The following GALNS variants were observed in gnomAD, a reference collection of about 807,000 sequenced individuals.
The protein encoded by GALNS is galactosamine (N-acetyl)-6-sulfatase.
A neutral mutation model predicts 65.9 loss-of-function variants in GALNS; 65 were observed. The observed-to-expected ratio is 0.99, with a 90% CI of 0.81 to 1.21. The LOEUF (loss-of-function observed/expected upper bound fraction) is 1.21. GALNS is among the 50% of genes most tolerant of loss of function. GALNS has a pLI of 0.00. For missense variants in GALNS, 776 were observed against 700.7 expected (o/e 1.11, Z -1.21); for synonymous variants, 346 against 288.9 (o/e 1.20, Z -2.00).
chr16:88,856,936 G>A lies in GALNS; in HGVS notation c.-59C>T, dbSNP rs1025700550. On this transcript the variant is annotated 5_prime_UTR_variant, in exon 1 of 14. Coordinates refer to ENST00000268695, the MANE Select transcript of GALNS (RefSeq NM_000512.5). ...GAGCCGACCTAGCGAGCGTCCGCCG[G>A]CCCTTCCGGCTGGGCTGCGGGGCGG... 3.4e-6 allele frequency: 5 copies of A among 1,466,216 alleles called. No homozygotes were observed. In the Admixed American group the frequency reaches 7.5e-5, roughly 22 times the overall value. The allele number at this position is 1,466,216 out of a possible 1,614,324, so 90.8% of individuals were successfully genotyped here.
chr16:88,854,376 G>A (rs987631578), intron 1 of GALNS, among the ~76,000 whole-genome samples: 16 of 152,188 alleles, frequency 1.1e-4, no homozygotes, highest in Non-Finnish European at 1.3e-4. Context: ...GCCACGTCAG[G>A]GCACCTCGGG....
intron 8 of GALNS, among the ~76,000 whole-genome samples, chr16:88,832,451 T>A (rs1259964521): frequency 6.6e-6 from 1 of 152,120 alleles, no homozygotes; most frequent in Non-Finnish European, 1.5e-5. Context: ...TTCACAAGCC[T>A]CCCGGTGTTT....
intron 8 of GALNS, among the ~76,000 whole-genome samples, chr16:88,832,759 AGGG>A (rs952520855): frequency 6.6e-6 from 1 of 152,176 alleles, no homozygotes; most frequent in African/African-American, 2.4e-5. Context: ...CCTGAATAAA[AGGG>A]AAAAAGGAAA....
In GALNS at chr16:88,856,001, T is replaced by A. The variant is rs888686839; in HGVS notation, c.120+757A>T. The A allele has an allele frequency of 5.0e-6, 3 of 597,670 alleles. No homozygotes were observed. The African/African-American group carries it at 5.6e-5, about 11-fold the overall frequency. The allele number at this position is 597,670 out of a possible 1,614,324, so 37.0% of individuals were successfully genotyped here. A position where few individuals can be genotyped will look rare whatever the true frequency, so the allele number is the denominator to read the frequency against. ...CAAGAATGGAAGTGACCCCCAAGCT[T>A]GGAGACAGTAGGGTTTCAACCCAGG... On this transcript the variant is annotated intron_variant, in intron 1 of 13. Transcript: ENST00000268695.
rs1291583709 is a variant in GALNS, at chr16:88,814,387, C to A, written c.*52G>T. On this transcript the variant is annotated 3_prime_UTR_variant, in exon 14 of 14. Coordinates refer to ENST00000268695, the MANE Select transcript of GALNS (RefSeq NM_000512.5). ...AGGCCAGAGCCATCCTTCCTCCAGG[C>A]ACTTGCAGGGCCAACCGGAGATTCT... 5 of 1,549,046 alleles carry A rather than the reference C, an allele frequency of 3.2e-6. No homozygotes were observed. The highest frequency in any genetic ancestry group is 1.4e-5 in the African/African-American group (1 of 73,006).
chr16:88,837,264 T>C (rs1912237876), intron 5 of GALNS, among the ~76,000 whole-genome samples: 2 of 152,264 alleles, frequency 1.3e-5, no homozygotes, highest in Middle Eastern at 3.4e-3. Flanking sequence ...GTCCTGCCCA[T>C]GTCCCTGGAT....
At chr16:88,832,592 G>T (rs1323123621) in intron 8 of GALNS, among the ~76,000 whole-genome samples, 1 of 152,140 alleles carries the variant, frequency 6.6e-6, no homozygotes, top group East Asian at 1.9e-4. Context: ...CATCACTTGT[G>T]GGAAGTGGTC....
intron 13 of GALNS, 141 bp downstream of exon 13, chr16:88,817,866 T>C (rs2142981462): frequency 5.1e-6 from 4 of 786,472 alleles, no homozygotes; most frequent in Non-Finnish European, 6.4e-6. Context: ...GCGTGTGCTC[T>C]GAGGCACGAG....
chr16:88,818,901 T>C (rs1352489223), intron 12 of GALNS, among the ~76,000 whole-genome samples: 5 of 152,276 alleles, frequency 3.3e-5, no homozygotes, highest in Non-Finnish European at 7.4e-5. Flanking sequence ...GGGAGCTGCG[T>C]TGCTGCTGGT....
intron 12 of GALNS, among the ~76,000 whole-genome samples, chr16:88,821,275 G>A (rs12934567): frequency 6.6e-6 from 1 of 152,014 alleles, no homozygotes; most frequent in African/African-American, 2.4e-5. Context: ...CAGGTGAGCC[G>A]AGGCTGGTGG....
intron 8 of GALNS, 109 bp from the exon 9 acceptor site, chr16:88,832,210 C>G: frequency 1.0e-6 from 1 of 995,088 alleles, no homozygotes; most frequent in Non-Finnish European, 1.6e-6. Flanking sequence ...AGGGCCCGGC[C>G]AAGGCACTCT....
chr16:88,847,279 G>A (rs1485816065), intron 1 of GALNS, among the ~76,000 whole-genome samples: 1 of 152,202 alleles, frequency 6.6e-6, no homozygotes, highest in Non-Finnish European at 1.5e-5. Context: ...GCTGAGGCAG[G>A]AGAATCCCCT....
At chr16:88,827,607 C>T (rs1210786094) in intron 9 of GALNS, among the ~76,000 whole-genome samples, 4 of 152,110 alleles carry the variant, frequency 2.6e-5, no homozygotes, top group African/African-American at 7.2e-5. Context: ...TCACTACGCC[C>T]GGCTAATTTT....
rs745738106 is a variant in GALNS, at chr16:88,814,011, C to A, written c.*428G>T. 3.2e-6 allele frequency: 1 copy of A among 316,030 alleles called. No homozygotes were observed. Among genetic ancestry groups the A allele is most frequent in the Non-Finnish European group, 6.2e-6 (1 of 160,300 alleles). 19.6% of individuals were successfully genotyped at this position (316,030 alleles called of 1,614,324 possible). On this transcript the variant is annotated 3_prime_UTR_variant, in exon 14 of 14. Transcript: ENST00000268695. ...GCTGACTGAACCAATGTACGCCATACACATACTGATCTTGTGTCTCCCTAA... is the reference window on the plus strand; with the variant it reads ...GCTGACTGAACCAATGTACGCCATAAACATACTGATCTTGTGTCTCCCTAA...
At position 88,818,132 on chromosome 16, in the gene GALNS, C is replaced by A; in HGVS notation, c.1365-8G>T. The A allele has an allele frequency of 6.4e-7, 1 of 1,570,054 alleles. No homozygotes were observed. Among genetic ancestry groups the A allele is most frequent in the Non-Finnish European group, 8.6e-7 (1 of 1,165,464 alleles). On this transcript the variant is annotated splice_polypyrimidine_tract_variant and splice_region_variant and intron_variant, in intron 12 of 13. Transcript: ENST00000268695. ...TACTCGGCGCTGGCAAAGCTGGGGA[C>A]AGAGAGCTCTGGTCACACGGCTGGG...
chr16:88,856,247 G>T (rs1445453330), intron 1 of GALNS: 2 of 703,040 alleles, frequency 2.8e-6, no homozygotes, highest in Non-Finnish European at 5.2e-6. Context: ...CAGCCGTCAG[G>T]TAAGACTGGA....
At chr16:88,824,415 G>T (rs540164574) in intron 11 of GALNS, among the ~76,000 whole-genome samples, 2 of 152,264 alleles carry the variant, frequency 1.3e-5, no homozygotes, top group South Asian at 4.1e-4. Flanking sequence ...GGGCCAAGCA[G>T]GCCACGTCTC....
intron 7 of GALNS, 27 bp downstream of exon 7, chr16:88,835,698 T>G (rs1567530974): frequency 6.2e-7 from 1 of 1,613,454 alleles, no homozygotes; most frequent in African/African-American, 1.3e-5. Flanking sequence ...TCCAGCGAGG[T>G]CTATGCTCCA....
chr16:88,840,674 G>A (rs1013756283), intron 4 of GALNS: 13 of 425,834 alleles, frequency 3.1e-5, no homozygotes, highest in African/African-American at 2.2e-4. Flanking sequence ...CAAGGACGAC[G>A]TGGCAGGAGG....
Sources: allele counts gnomAD v4.1 joint callset (sites outside exome capture counted in the v4.1 genomes callset), GRCh38; gene constraint gnomAD v4.1.1; transcripts MANE v1.5; gene names NCBI Gene and HGNC (gene_info 2026-07-23, HGNC 2026-07-21).